The following CEP85L variants were observed in gnomAD, a reference collection of about 807,000 sequenced individuals.
CEP85L encodes centrosomal protein 85L, also known as centrosomal protein of 85 kDa-like.
Under a neutral mutation model 100.3 loss-of-function variants are expected in CEP85L, and 60 were observed. The observed-to-expected ratio is 0.60, with a 90% CI of 0.49 to 0.74. The LOEUF is 0.74. Among genes scored for constraint, CEP85L ranks in the 30% least tolerant of loss-of-function variants. CEP85L has a pLI of 0.00. For synonymous variants in CEP85L, 319 were observed against 322.7 expected (o/e 0.99, Z 0.12); for missense variants, 973 against 936.2 (o/e 1.04, Z -0.51).
chr6:118,651,211 C>T lies in CEP85L; in HGVS notation c.59G>A (p.Arg20His). The T allele has an allele frequency of 1.3e-6, 2 of 1,495,256 alleles. No individual in the cohort carries two copies. Among genetic ancestry groups the T allele is most frequent in the Non-Finnish European group, 1.8e-6 (2 of 1,128,996 alleles). 92.6% of individuals were successfully genotyped at this position (1,495,256 alleles called of 1,614,324 possible). A position where few individuals can be genotyped will look rare whatever the true frequency, so the allele number is the denominator to read the frequency against. The change falls in exon 1 of 13, where the codon CGC (arginine) becomes CAC (histidine). Residue 20 changes from arginine (R) to histidine (H), a missense_variant. Transcript: ENST00000368491. Reference sequence around the variant, plus strand: ...CCGTTCCTTACCGGCAGGGAAGCTGCGGGCTCCGCCGGGGCTATCCCGGCC... The same window carrying T: ...CCGTTCCTTACCGGCAGGGAAGCTGTGGGCTCCGCCGGGGCTATCCCGGCC... Reference protein sequence around the residue: ...ASGRDSPGGARSFPAGPDYSS... With the variant: ...ASGRDSPGGAHSFPAGPDYSS...
chr6:118,556,943 T>C (rs1778913650), intron 3 of CEP85L, among the ~76,000 whole-genome samples: 2 of 152,168 alleles, frequency 1.3e-5, no homozygotes, highest in Non-Finnish European at 2.9e-5. Context: ...CATCAAAGTA[T>C]AGGCCCCACA....
chr6:118,577,148 C>G (rs1780289791), intron 2 of CEP85L, among the ~76,000 whole-genome samples: 1 of 152,194 alleles, frequency 6.6e-6, no homozygotes, highest in African/African-American at 2.4e-5. Flanking sequence ...CCTCGTGTCT[C>G]TCACGGCAAG....
chr6:118,600,370 T>TGTGTGGGG (rs58066356), intron 2 of CEP85L, among the ~76,000 whole-genome samples: 1 of 86,440 alleles, frequency 1.2e-5, no homozygotes, highest in African/African-American at 4.2e-5. Context: ...TGTGTGTGTG[T>TGTGTGGGG]AACGCCATGG....
At chr6:118,504,120 T>C (rs1476610820) in intron 5 of CEP85L, among the ~76,000 whole-genome samples, 7 of 152,170 alleles carry the variant, frequency 4.6e-5, no homozygotes, top group African/African-American at 1.7e-4. Flanking sequence ...ACACTTCTAA[T>C]CACAGCACTT....
intron 1 of CEP85L, among the ~76,000 whole-genome samples, chr6:118,642,755 A>AAT (rs1405139056): frequency 5.3e-5 from 8 of 151,626 alleles, no homozygotes; most frequent in Non-Finnish European, 8.8e-5. Context: ...CTCTACTAAA[A>AAT]ATATATATAT....
At chr6:118,620,921 A>G (rs939499293) in intron 2 of CEP85L, among the ~76,000 whole-genome samples, 4 of 152,046 alleles carry the variant, frequency 2.6e-5, no homozygotes, top group Non-Finnish European at 5.9e-5. Context: ...ATATTATCCA[A>G]AGCTGGAGCT....
At chr6:118,565,244 T>C (rs140369623) in intron 3 of CEP85L, 161 of 371,346 alleles carry the variant, frequency 4.3e-4, no homozygotes, top group African/African-American at 3.1e-3. Flanking sequence ...GTTTCCAAGT[T>C]TATTTAGATT....
chr6:118,650,153 G>A (rs908246883), intron 1 of CEP85L, among the ~76,000 whole-genome samples: 4 of 152,160 alleles, frequency 2.6e-5, no homozygotes, highest in Non-Finnish European at 5.9e-5. Context: ...ACACTTTGTG[G>A]AGCAAGGTTA....
intron 2 of CEP85L, among the ~76,000 whole-genome samples, chr6:118,598,485 C>T (rs1781565834): frequency 6.6e-6 from 1 of 152,118 alleles, no homozygotes; most frequent in Non-Finnish European, 1.5e-5. Flanking sequence ...CCTAAGTCCA[C>T]TTACTGGTAT....
intron 10 of CEP85L, among the ~76,000 whole-genome samples, chr6:118,473,618 C>G (rs749281988): frequency 7.9e-5 from 12 of 152,048 alleles, no homozygotes; most frequent in Admixed American, 1.3e-4. Flanking sequence ...ATGATGTAAT[C>G]TGATTTTTGT....
At chr6:118,644,996 G>T (rs1387790902) in intron 1 of CEP85L, among the ~76,000 whole-genome samples, 1 of 152,182 alleles carries the variant, frequency 6.6e-6, no homozygotes, top group Non-Finnish European at 1.5e-5. Flanking sequence ...GCTCAGGAGT[G>T]AAAGAATGAA....
intron 1 of CEP85L, among the ~76,000 whole-genome samples, chr6:118,690,988 C>A (rs1777021259): frequency 6.7e-6 from 1 of 148,230 alleles, no homozygotes; most frequent in South Asian, 2.1e-4. Context: ...CAGAGTGAGA[C>A]CCTGTCTCAG....
At chr6:118,631,944 A>G (rs1474997466) in intron 2 of CEP85L, among the ~76,000 whole-genome samples, 1 of 152,230 alleles carries the variant, frequency 6.6e-6, no homozygotes, top group South Asian at 2.1e-4. Flanking sequence ...ATCTCAAAGT[A>G]AGAAGTTTAG....
intron 2 of CEP85L, among the ~76,000 whole-genome samples, chr6:118,615,208 T>G (rs1412206652): frequency 1.3e-5 from 2 of 152,158 alleles, no homozygotes; most frequent in Non-Finnish European, 2.9e-5. Flanking sequence ...CCTATCAAAT[T>G]CCTAGGAAGA....
chr6:118,513,470 T>A (rs1418902126), intron 4 of CEP85L, among the ~76,000 whole-genome samples: 1 of 151,862 alleles, frequency 6.6e-6, no homozygotes, highest in East Asian at 1.9e-4. Flanking sequence ...AAAAGATAAA[T>A]CCATTCAAGG....
intron 3 of CEP85L, among the ~76,000 whole-genome samples, chr6:118,563,620 CT>C (rs141249438): frequency 1.7e-4 from 26 of 152,046 alleles, no homozygotes; most frequent in African/African-American, 5.8e-4. Flanking sequence ...TGATTTTTAT[CT>C]TTTTTCCTTT....
chr6:118,679,191 T>C (rs1270485307), intron 1 of CEP85L, among the ~76,000 whole-genome samples: 1 of 152,234 alleles, frequency 6.6e-6, no homozygotes, highest in Non-Finnish European at 1.5e-5. Context: ...ACTCATTTTG[T>C]ACCAACTATT....
chr6:118,606,152 G>A (rs1292354737), intron 2 of CEP85L, among the ~76,000 whole-genome samples: 1 of 151,948 alleles, frequency 6.6e-6, no homozygotes, highest in Non-Finnish European at 1.5e-5. Flanking sequence ...TATATCTATA[G>A]CTTGTCTATC....
chr6:118,512,895 CATA>C (rs1562215789), intron 4 of CEP85L, among the ~76,000 whole-genome samples: 1 of 152,084 alleles, frequency 6.6e-6, no homozygotes, highest in East Asian at 1.9e-4. Context: ...AAATGTAACT[CATA>C]ATAATAAGAA....
Sources: gnomAD v4.1 joint callset for allele counts (sites outside exome capture counted in the v4.1 genomes callset) on GRCh38, gnomAD v4.1.1 for gene constraint, MANE v1.5 for transcripts, NCBI Gene and HGNC (gene_info 2026-07-23, HGNC 2026-07-21) for gene names.